CDK10: variants seen among roughly 807,000 people sequenced by gnomAD.
CDK10 encodes cyclin-dependent kinase 10.
A neutral mutation model predicts 51.0 loss-of-function variants in CDK10; 55 were observed. The ratio of observed to expected loss-of-function variants is 1.08; its 90% CI spans 0.87 to 1.35. The LOEUF (loss-of-function observed/expected upper bound fraction) is 1.35, where lower values mean the gene tolerates loss of function less well. Ranked by LOEUF, CDK10 falls within the 40% of genes most tolerant of loss-of-function variation. CDK10 has a pLI of 0.00. For synonymous variants in CDK10, 255 were observed against 199.1 expected (o/e 1.28, Z -2.36); for missense variants, 589 against 485.1 (o/e 1.21, Z -2.01).
intron 1 of CDK10, among the ~76,000 whole-genome samples, chr16:89,688,281 A>C (rs2060290969): frequency 6.6e-6 from 1 of 151,820 alleles, no homozygotes; most frequent in South Asian, 2.1e-4. Flanking sequence ...ACGGAGTTTC[A>C]CCGTGTTAGT....
At chr16:89,687,856 A>T in intron 1 of CDK10, 1 of 342,606 alleles carries the variant, frequency 2.9e-6, no homozygotes, top group South Asian at 2.2e-5. Flanking sequence ...GTTTGAGACT[A>T]GGCCATCAGT....
In CDK10 at chr16:89,696,198, G is replaced by T. The variant is rs564933312; in HGVS notation, c.*506G>T. On this transcript the variant is annotated 3_prime_UTR_variant, in exon 13 of 13. Transcript: ENST00000353379. ...ACAAGAGGGACAAGGTATGGGGTGG[G>T]AGCCACAATTGAGGATACCCCGAGA... 6 of 304,922 alleles carry T rather than the reference G, an allele frequency of 2.0e-5. No individual in the cohort carries two copies. The highest frequency in any genetic ancestry group is 9.2e-5 in the Admixed American group (2 of 21,674). The allele number at this position is 304,922 out of a possible 1,614,324, so 18.9% of individuals were successfully genotyped here.
chr16:89,687,488 C>T, intron 1 of CDK10: 1 of 456,234 alleles, frequency 2.2e-6, no homozygotes, highest in South Asian at 1.5e-5. Flanking sequence ...CTTTACTCAT[C>T]CAGACGTGCA....
intron 1 of CDK10, among the ~76,000 whole-genome samples, chr16:89,688,456 A>G (rs1472878240): frequency 1.3e-5 from 2 of 152,206 alleles, no homozygotes; most frequent in African/African-American, 4.8e-5. Context: ...CAGGGCCTCA[A>G]GATGATGCCT....
chr16:89,693,235 G>C, intron 6 of CDK10, 39 bp from the exon 7 acceptor site: 3 of 1,607,452 alleles, frequency 1.9e-6, no homozygotes, highest in Non-Finnish European at 2.6e-6. Context: ...AGCCCCTGTG[G>C]CCCTCTGGGA....
At chr16:89,689,904 G>C (rs922885847) in intron 2 of CDK10, 4 of 154,198 alleles carry the variant, frequency 2.6e-5, no homozygotes, top group African/African-American at 9.7e-5. Context: ...GGCTGGTCTT[G>C]AACTTCTGGG....
chr16:89,695,444 C>A, intron 12 of CDK10, 99 bp downstream of exon 12: 1 of 1,472,432 alleles, frequency 6.8e-7, no homozygotes, highest in Non-Finnish European at 9.4e-7. Flanking sequence ...CCCTCACTGA[C>A]GGCACACCCT....
chr16:89,689,602 T>C (rs1338992566), intron 2 of CDK10: 8 of 391,488 alleles, frequency 2.0e-5, no homozygotes, highest in South Asian at 1.2e-4. Context: ...TACAGAACTT[T>C]CCAGAAGCAG....
intron 4 of CDK10, 76 bp downstream of exon 4, chr16:89,691,621 G>A (rs1199143800): frequency 1.5e-6 from 2 of 1,335,606 alleles, no homozygotes; most frequent in Admixed American, 3.7e-5. Flanking sequence ...ACAGAGCGAG[G>A]ACTGAGTGTC....
At chr16:89,693,222 C>G (rs1433460918) in intron 6 of CDK10, 52 bp from the exon 7 acceptor site, 18 of 1,576,828 alleles carry the variant, frequency 1.1e-5, no homozygotes, top group Admixed American at 1.7e-5. Flanking sequence ...TGGGGGAGCT[C>G]TCAGCCCCTG....
chr16:89,692,416 C>T, intron 5 of CDK10, 33 bp from the exon 6 acceptor site: 1 of 1,500,120 alleles, frequency 6.7e-7, no homozygotes, highest in African/African-American at 1.4e-5. Context: ...CCTGCAGGCT[C>T]ACCCTGACTG....
chr16:89,690,632 G>A lies in CDK10; in HGVS notation c.232+8G>A, dbSNP rs1421588295. On this transcript the variant is annotated splice_region_variant and intron_variant, in intron 3 of 12. Coordinates refer to ENST00000353379, the MANE Select transcript of CDK10 (RefSeq NM_052988.5). The stretch of plus-strand genomic sequence containing the variant: ...TGGACAAGGAGAAGGATGGTGAGCA[G>A]GAAATTGGGGTGTTGGGACCTCGCA... The A allele has an allele frequency of 4.3e-6, 7 of 1,612,776 alleles. No homozygotes were observed. The South Asian group carries it at 6.6e-5, about 15-fold the overall frequency.
intron 3 of CDK10, 144 bp downstream of exon 3, chr16:89,690,768 A>AC (rs1313077098): frequency 2.8e-6 from 2 of 725,530 alleles, no homozygotes; most frequent in Non-Finnish European, 5.0e-6. Context: ...CCAGCACATC[A>AC]CCCCCAGGTC....
chr16:89,687,307 C>T (rs2060237497), intron 1 of CDK10: 5 of 376,138 alleles, frequency 1.3e-5, no homozygotes, highest in South Asian at 7.5e-5. Flanking sequence ...CAGGAGAGAG[C>T]CTCTGGGCGT....
At position 89,687,191 on chromosome 16, in the gene CDK10, C is replaced by T. The variant is rs542772752; in HGVS notation, c.87+394C>T. 334 of 250,868 alleles carry T rather than the reference C, an allele frequency of 1.3e-3. 1 individual carries two copies. Among genetic ancestry groups the T allele is most frequent in the Middle Eastern group, 1.7e-3 (1 of 592 alleles). 15.5% of individuals were successfully genotyped at this position (250,868 alleles called of 1,614,324 possible). On this transcript the variant is annotated intron_variant, in intron 1 of 12. Coordinates refer to ENST00000353379, the MANE Select transcript of CDK10 (RefSeq NM_052988.5). ...CGACGAGTTCGAGCTTGAAGGCTCCCGCTGGGCTTGGGCTGCATGGAGCGG... is the reference window on the plus strand; with the variant it reads ...CGACGAGTTCGAGCTTGAAGGCTCCTGCTGGGCTTGGGCTGCATGGAGCGG...
chr16:89,692,627 G>T, intron 6 of CDK10, 111 bp downstream of exon 6: 1 of 680,626 alleles, frequency 1.5e-6, no homozygotes, highest in Non-Finnish European at 2.4e-6. Context: ...CAGCCTGCCC[G>T]CTGCTCGCAC....
chr16:89,694,756 C>T lies in CDK10; in HGVS notation c.760C>T (p.Leu254=), dbSNP rs557468371. The change falls in exon 10 of 13, where the codon CTG becomes TTG. Residue 254 remains leucine, a synonymous_variant. Transcript: ENST00000353379. ...EIHQIDLIVQ[L]LGTPSENIWP... Reference sequence around the variant, plus strand: ...CCACCAGATCGACTTGATCGTGCAGCTGCTGGGCACGCCCAGTGAGAACAT... The same window carrying T: ...CCACCAGATCGACTTGATCGTGCAGTTGCTGGGCACGCCCAGTGAGAACAT... The T allele has an allele frequency of 6.4e-7, 1 of 1,568,418 alleles. No homozygotes were observed. The highest frequency in any genetic ancestry group is 1.9e-5 in the Admixed American group (1 of 53,216).
At position 89,694,681 on chromosome 16, in the gene CDK10, C is replaced by G. The variant is rs757456340; in HGVS notation, c.685C>G (p.Leu229Val). 56 of 1,589,178 alleles carry G rather than the reference C, an allele frequency of 3.5e-5. 2 individuals are homozygous for G. In the Middle Eastern group the frequency reaches 3.3e-3, roughly 94 times the overall value. ...TCTCTGCAGGGCTGTGGGCTGCATA[C>G]TGGCCGAGCTGCTGGCGCACAGGCC... ...SIDMWAVGCILAELLAHRPLL... is the reference protein window; with the variant it reads ...SIDMWAVGCIVAELLAHRPLL... The change falls in exon 10 of 13, where the codon CTG (leucine) becomes GTG (valine). Residue 229 changes from leucine (L) to valine (V), a missense_variant. Transcript: ENST00000353379.
intron 1 of CDK10, chr16:89,687,249 C>G (rs574029678): frequency 1.2e-5 from 4 of 332,152 alleles, no homozygotes; most frequent in African/African-American, 8.6e-5. Context: ...TCACGCGAAC[C>G]CTGGGCGCGT....
Sources: allele counts gnomAD v4.1 joint callset (sites outside exome capture counted in the v4.1 genomes callset), GRCh38; gene constraint gnomAD v4.1.1; transcripts MANE v1.5; gene names NCBI Gene and HGNC (gene_info 2026-07-23, HGNC 2026-07-21).